Variants in CEP131 observed in about 807,000 individuals in gnomAD.
CEP131 encodes centrosomal protein of 131 kDa.
CEP131 carries 99 observed loss-of-function variants against 136.8 expected under a neutral mutation model. That is an observed-to-expected ratio of 0.72 (90% CI 0.62 to 0.86). The LOEUF is 0.86. Among genes scored for constraint, CEP131 ranks in the 40% least tolerant of loss-of-function variants. The pLI is 0.00. For missense variants in CEP131, 1,459 were observed against 1,463.0 expected (o/e 1.00, Z 0.04); for synonymous variants, 646 against 612.7 (o/e 1.05, Z -0.80).
intron 5 of CEP131, among the ~76,000 whole-genome samples, chr17:81,206,407 C>G (rs1209331068): frequency 6.6e-6 from 1 of 152,184 alleles, no homozygotes; most frequent in Non-Finnish European, 1.5e-5. Flanking sequence ...AGGCAGCTGC[C>G]TGGAGTCTAT....
chr17:81,199,936 C>T (rs1029530821), intron 8 of CEP131, 101 bp from the exon 9 acceptor site: 77 of 1,199,628 alleles, frequency 6.4e-5, no homozygotes, highest in Non-Finnish European at 4.6e-5. Context: ...CCCTAGAGTT[C>T]GTGGAATCTC....
At chr17:81,199,335 C>A (rs1465994646) in intron 10 of CEP131, 46 bp downstream of exon 10, 2 of 1,534,206 alleles carry the variant, frequency 1.3e-6, no homozygotes, top group South Asian at 1.2e-5. Flanking sequence ...TCCTTCCTGG[C>A]TGCAGTCCAC....
At chr17:81,209,120 A>AG in intron 2 of CEP131, 98 bp from the exon 3 acceptor site, 1 of 905,180 alleles carries the variant, frequency 1.1e-6, no homozygotes, top group East Asian at 2.6e-5. Context: ...CAGAGAACAG[A>AG]GGGGTGGCCC....
At position 81,196,964 on chromosome 17, in the gene CEP131, T is replaced by G. The variant is rs911429106; in HGVS notation, c.1739A>C (p.Lys580Thr). The change falls in exon 14 of 26, where the codon AAG becomes ACG. Residue 580 changes from lysine to threonine, a missense_variant. Transcript: ENST00000450824. ...VMRLKLEVEE[K>T]KQAMLLLQRA... The stretch of plus-strand genomic sequence containing the variant: ...CTGCAGCAGCAGCATGGCCTGCTTC[T>G]TCTCCTCCACCTCCAGCTTCAGCCG... The G allele has an allele frequency of 1.9e-6, 3 of 1,608,678 alleles. No homozygotes were observed. In the African/African-American group the frequency reaches 4.0e-5, roughly 21 times the overall value.
In CEP131 at chr17:81,209,018, G is replaced by T. The variant is rs1289345434; in HGVS notation, c.182C>A (p.Ala61Asp). The T allele has an allele frequency of 6.2e-7, 1 of 1,611,084 alleles. No individual in the cohort carries two copies. Among genetic ancestry groups the T allele is most frequent in the Non-Finnish European group, 8.5e-7 (1 of 1,177,862 alleles). ...GSEQKRKVLE[A>D]TGPGGSQAIN... ...GGCCTGGGAGCCCCCAGGCCCTGTG[G>T]CCTCCTGCAAAAAGGGAGAAAACAG... Residue 61 changes from alanine (A) to aspartate (D), a missense_variant, in exon 3 of 26, where the codon GCC becomes GAC. By Grantham distance (126) the Ala-to-Asp change is moderately radical. Transcript: ENST00000450824.
chr17:81,192,685 G>GGGGGGGGGGGGGGGGGGGGCCC, intron 19 of CEP131, 51 bp downstream of exon 19: 2 of 478,420 alleles, frequency 4.2e-6, no homozygotes, highest in Non-Finnish European at 8.1e-6. Flanking sequence ...GGGGGGAGGG[G>GGGGGGGGGGGGGGGGGGGGCCC]TCAGCCAGCG....
At chr17:81,221,370 C>T (rs1166527266) in intron 1 of CEP131, among the ~76,000 whole-genome samples, 7 of 152,146 alleles carry the variant, frequency 4.6e-5, no homozygotes, top group Admixed American at 2.0e-4. Context: ...TCTTTCTGAA[C>T]GAGTCTTTCT....
At chr17:81,201,884 G>A (rs367565206) in intron 7 of CEP131, among the ~76,000 whole-genome samples, 6 of 152,028 alleles carry the variant, frequency 3.9e-5, no homozygotes, top group Non-Finnish European at 5.9e-5. Flanking sequence ...GGCGGATCAC[G>A]AGGTCAGGAG....
chr17:81,215,293 C>T lies in CEP131; in HGVS notation c.177+4587G>A, dbSNP rs144394321. The stretch of plus-strand genomic sequence containing the variant: ...AATTTTTTTGTAGAGACAGGGGTCT[C>T]ACTATGTTGCCCAGGCTGGTCTCAA... On this transcript the variant is annotated intron_variant, in intron 2 of 25. Coordinates refer to ENST00000450824, the MANE Select transcript of CEP131 (RefSeq NM_014984.4). This position sits in a 1 kb window ranked among gnomAD's most constrained non-coding sequence, Gnocchi z 4.1. 1.9e-3 allele frequency among the ~76,000 whole-genome samples: 287 copies of T among 152,080 alleles called. 11 individuals carry two copies. In the East Asian group the frequency reaches 0.048, roughly 26 times the overall value.
rs945740830 is a variant in CEP131 at position 81,203,118 on chromosome 17, G to T, written c.629+376C>A. On this transcript the variant is annotated intron_variant, in intron 6 of 25. Coordinates refer to ENST00000450824, the MANE Select transcript of CEP131 (RefSeq NM_014984.4). The surrounding 1 kb of genome is among the most constrained non-coding windows in gnomAD (Gnocchi z 4.6). ...CCTTTGCCCCGCTCGGTCCACCCCCGCTGTGACGCCTTCTGGGCTCTGCAC... is the reference window on the plus strand; with the variant it reads ...CCTTTGCCCCGCTCGGTCCACCCCCTCTGTGACGCCTTCTGGGCTCTGCAC... 6.6e-6 allele frequency among the ~76,000 whole-genome samples: 1 copy of T among 152,156 alleles called. No individual in the cohort carries two copies. The highest frequency in any genetic ancestry group is 2.4e-5 in the African/African-American group (1 of 41,446).
chr17:81,192,685 G>GGGGGGGGGCCC, intron 19 of CEP131, 51 bp downstream of exon 19: 1 of 478,420 alleles, frequency 2.1e-6, no homozygotes, highest in Non-Finnish European at 4.1e-6. Context: ...GGGGGGAGGG[G>GGGGGGGGGCCC]TCAGCCAGCG....
intron 7 of CEP131, among the ~76,000 whole-genome samples, chr17:81,200,872 G>T (rs898771493): frequency 3.9e-5 from 6 of 152,196 alleles, no homozygotes; most frequent in Non-Finnish European, 8.8e-5. Context: ...GTCGGAACAG[G>T]CAGGGCTATG....
At position 81,189,664 on chromosome 17, in the gene CEP131, C is replaced by T; in HGVS notation, c.*105G>A. ...TGCTTAGCCGTGGGCATCTCAACCA[C>T]CAGCCTCTGTGGGGGGCAGGTGGGC... On this transcript the variant is annotated 3_prime_UTR_variant, in exon 26 of 26. Coordinates refer to ENST00000450824, the MANE Select transcript of CEP131 (RefSeq NM_014984.4). 8.0e-7 allele frequency: 1 copy of T among 1,248,202 alleles called. No individual in the cohort carries two copies. Among genetic ancestry groups the T allele is most frequent in the Non-Finnish European group, 1.1e-6 (1 of 905,620 alleles). The allele number at this position is 1,248,202 out of a possible 1,614,324, so 77.3% of individuals were successfully genotyped here.
intron 23 of CEP131, 34 bp downstream of exon 23, chr17:81,190,873 G>T: frequency 6.3e-7 from 1 of 1,593,894 alleles, no homozygotes; most frequent in East Asian, 2.2e-5. Context: ...GGGCCTGTGG[G>T]TGCCCACTGC....
intron 2 of CEP131, among the ~76,000 whole-genome samples, chr17:81,211,511 G>C (rs1436720466): frequency 6.6e-6 from 1 of 152,218 alleles, no homozygotes; most frequent in East Asian, 1.9e-4. Flanking sequence ...AGACGCAGAA[G>C]GGGCAGCAGG....
chr17:81,212,089 C>A (rs1452474729), intron 2 of CEP131, among the ~76,000 whole-genome samples: 1 of 151,532 alleles, frequency 6.6e-6, no homozygotes, highest in African/African-American at 2.4e-5. Context: ...CCGAGGTGGG[C>A]GGATAATCTG....
chr17:81,192,918 G>T, intron 18 of CEP131, 75 bp from the exon 19 acceptor site: 11 of 1,525,148 alleles, frequency 7.2e-6, no homozygotes, highest in Admixed American at 2.0e-5. Flanking sequence ...AGGGGCACGG[G>T]CCGACCACAG....
chr17:81,204,907 G>C (rs1461054460), intron 5 of CEP131, among the ~76,000 whole-genome samples: 1 of 152,194 alleles, frequency 6.6e-6, no homozygotes, highest in East Asian at 1.9e-4. Context: ...AACCTACCAG[G>C]ACTGATTTTG....
intron 17 of CEP131, 50 bp from the exon 18 acceptor site, chr17:81,194,177 G>A (rs2146514900): frequency 2.1e-6 from 3 of 1,439,926 alleles, no homozygotes; most frequent in Non-Finnish European, 2.7e-6. Context: ...GTGGGCCCGG[G>A]AAGTCCAACC....
Sources: gnomAD v4.1 joint callset for allele counts (sites outside exome capture counted in the v4.1 genomes callset) on GRCh38, gnomAD v4.1.1 for gene constraint, Gnocchi (gnomAD v3.1) non-coding constraint, MANE v1.5 for transcripts, NCBI Gene and HGNC (gene_info 2026-07-23, HGNC 2026-07-21) for gene names.